OR52A5: variants seen among roughly 807,000 people sequenced by gnomAD.
OR52A5 encodes olfactory receptor family 52 subfamily A member 5.
OR52A5 carries 16 observed loss-of-function variants against 18.2 expected under a neutral mutation model. That is an observed-to-expected ratio of 0.88 (90% CI 0.60 to 1.34). OR52A5 has a LOEUF of 1.34. OR52A5 is among the 40% of genes most tolerant of loss of function. The pLI, the probability that OR52A5 is intolerant of heterozygous loss-of-function variation, is 0.00. For missense variants in OR52A5, 418 were observed against 383.0 expected, an observed-to-expected ratio of 1.09 and a Z score of -0.76; for synonymous variants, 140 against 137.2, an observed-to-expected ratio of 1.02 and a Z score of -0.14.
At position 5,135,715 on chromosome 11, in the gene OR52A5, C is replaced by A. The variant is rs75545368; in HGVS notation, c.-61+2596G>T. On this transcript the variant is annotated intron_variant, in intron 1 of 1. Transcript: ENST00000307388. Reference sequence around the variant, plus strand: ...CAACTCAGATATTCCTTTCTAATTGCCAGTTAGAAAAATTTTAAACCTACC... The same window carrying A: ...CAACTCAGATATTCCTTTCTAATTGACAGTTAGAAAAATTTTAAACCTACC... 3.4e-3 allele frequency among the ~76,000 whole-genome samples: 513 copies of A among 152,250 alleles called. 3 individuals carry two copies. Among genetic ancestry groups the A allele is most frequent in the African/African-American group, 0.012 (482 of 41,550 alleles).
Position 5,132,002 on chromosome 11 carries a change from A to T in OR52A5, c.641T>A (p.Ile214Lys). 6.2e-7 allele frequency: 1 copy of T among 1,614,220 alleles called. No individual in the cohort carries two copies. The highest frequency in any genetic ancestry group is 8.5e-7 in the Non-Finnish European group (1 of 1,180,030). Residue 214 changes from isoleucine (I) to lysine (K), a missense_variant, in exon 2 of 2, where the codon ATA becomes AAA. Ile to Lys is a moderately radical substitution (Grantham distance 102). Coordinates refer to ENST00000307388, the MANE Select transcript of OR52A5 (RefSeq NM_001005160.3). ...FVAFAILGFD[I>K]IFITLSYVQI... is the part of the protein sequence containing the mutation. ...GACATAGGACAAGGTTATAAATATTATGTCAAACCCTAGGATTGCAAAGGC... is the reference window on the plus strand; with the variant it reads ...GACATAGGACAAGGTTATAAATATTTTGTCAAACCCTAGGATTGCAAAGGC...
rs965877250 is a variant in OR52A5, at chr11:5,138,332, A to G, written c.-82T>C. The G allele has an allele frequency of 6.6e-6, 1 of 152,200 alleles. No individual in the cohort carries two copies. Among genetic ancestry groups the G allele is most frequent in the Admixed American group, 6.5e-5 (1 of 15,280 alleles). 9.4% of individuals were successfully genotyped at this position (152,200 alleles called of 1,614,324 possible). A position where few individuals can be genotyped will look rare whatever the true frequency, so the allele number is the denominator to read the frequency against. On this transcript the variant is annotated 5_prime_UTR_variant, in exon 1 of 2. Coordinates refer to ENST00000307388, the MANE Select transcript of OR52A5 (RefSeq NM_001005160.3). The stretch of plus-strand genomic sequence containing the variant: ...TTACCAGGGATATCAATGGACTTAT[A>G]AGTAGAAGCCATAGAGGAGAACTCT...
chr11:5,132,733 A>G (rs1846354290), intron 1 of OR52A5, 31 bp from the exon 2 acceptor site: 3 of 783,920 alleles, frequency 3.8e-6, no homozygotes, highest in Non-Finnish European at 5.9e-6. Context: ...AAATATGTTA[A>G]TTTATTTTAG....
chr11:5,137,354 G>A (rs1417502462), intron 1 of OR52A5, among the ~76,000 whole-genome samples: 1 of 152,190 alleles, frequency 6.6e-6, no homozygotes, highest in African/African-American at 2.4e-5. Flanking sequence ...CCAAGGATCT[G>A]AAACTACTAA....
In OR52A5 at chr11:5,134,775, C is replaced by T. The variant is rs1403372350; in HGVS notation, c.-60-2073G>A. 2.6e-5 allele frequency among the ~76,000 whole-genome samples: 4 copies of T among 151,852 alleles called. No individual in the cohort carries two copies. In the East Asian group the frequency reaches 7.7e-4, roughly 29 times the overall value. ...TATGGTTGATTATATTAATGAAAGT[C>T]TAGAACTTGTTATAAGTAAATACAC... On this transcript the variant is annotated intron_variant, in intron 1 of 1. Coordinates refer to ENST00000307388, the MANE Select transcript of OR52A5 (RefSeq NM_001005160.3).
At position 5,131,623 on chromosome 11, in the gene OR52A5, C is replaced by G; in HGVS notation, c.*69G>C. On this transcript the variant is annotated 3_prime_UTR_variant, in exon 2 of 2. Coordinates refer to ENST00000307388, the MANE Select transcript of OR52A5 (RefSeq NM_001005160.3). Reference sequence around the variant, plus strand: ...GAGCTAGTAGTTTGAGAATATTGATCTGTGACTTTCATTATATTTAGGTTT... The same window carrying G: ...GAGCTAGTAGTTTGAGAATATTGATGTGTGACTTTCATTATATTTAGGTTT... 1 of 839,192 alleles carries G rather than the reference C, an allele frequency of 1.2e-6. No individual in the cohort carries two copies. The highest frequency in any genetic ancestry group is 1.9e-6 in the Non-Finnish European group (1 of 530,750). The allele number at this position is 839,192 out of a possible 1,614,324, so 52.0% of individuals were successfully genotyped here.
intron 1 of OR52A5, among the ~76,000 whole-genome samples, chr11:5,136,978 A>G (rs1469722344): frequency 6.6e-6 from 1 of 152,232 alleles, no homozygotes; most frequent in East Asian, 1.9e-4. Flanking sequence ...GAATGAGAGC[A>G]AGGGCATAGT....
intron 1 of OR52A5, among the ~76,000 whole-genome samples, chr11:5,134,492 T>C (rs1846373385): frequency 6.6e-6 from 1 of 152,212 alleles, no homozygotes; most frequent in Non-Finnish European, 1.5e-5. Flanking sequence ...TTAATGATTT[T>C]AATTAACAAA....
intron 1 of OR52A5, among the ~76,000 whole-genome samples, chr11:5,136,019 G>A (rs1412615750): frequency 6.6e-6 from 1 of 152,024 alleles, no homozygotes; most frequent in Non-Finnish European, 1.5e-5. Context: ...ATTTATTATT[G>A]CCTTTATCAG....
At chr11:5,136,919 G>A (rs542649714) in intron 1 of OR52A5, among the ~76,000 whole-genome samples, 32 of 152,282 alleles carry the variant, frequency 2.1e-4, no homozygotes, top group African/African-American at 7.5e-4. Context: ...CCAGACCTTT[G>A]GCCTTTTAAA....
In OR52A5 at chr11:5,129,857, G is replaced by T. The variant is rs549003545; in HGVS notation, c.*1835C>A. On this transcript the variant is annotated 3_prime_UTR_variant, in exon 2 of 2. Transcript: ENST00000307388. The stretch of plus-strand genomic sequence containing the variant: ...TCCATGTGGAAATTGCTTCAGCTGG[G>T]GTTTCTTTAGCAGAGAACACTGGAC... 6.6e-6 allele frequency: 1 copy of T among 152,118 alleles called. No homozygotes were observed. The highest frequency in any genetic ancestry group is 1.9e-4 in the East Asian group (1 of 5,174). The allele number at this position is 152,118 out of a possible 1,614,324, so 9.4% of individuals were successfully genotyped here.
At chr11:5,133,998 C>G (rs551015141) in intron 1 of OR52A5, among the ~76,000 whole-genome samples, 1 of 152,266 alleles carries the variant, frequency 6.6e-6, no homozygotes, top group African/African-American at 2.4e-5. Flanking sequence ...CTGCCCTTCA[C>G]TGGTAACTCC....
intron 1 of OR52A5, among the ~76,000 whole-genome samples, chr11:5,135,705 T>C (rs1589861342): frequency 6.6e-6 from 1 of 152,240 alleles, no homozygotes; most frequent in Non-Finnish European, 1.5e-5. Flanking sequence ...CAGATATTCC[T>C]TTCTAATTGC....
At chr11:5,132,766 A>C in intron 1 of OR52A5, 64 bp from the exon 2 acceptor site, 1 of 602,276 alleles carries the variant, frequency 1.7e-6, no homozygotes, top group East Asian at 2.8e-5. Flanking sequence ...TAGTTATTTT[A>C]GGAGTGTATC....
At position 5,129,884 on chromosome 11, in the gene OR52A5, G is replaced by A. The variant is rs963092038; in HGVS notation, c.*1808C>T. 6.6e-6 allele frequency: 1 copy of A among 152,062 alleles called. No individual in the cohort carries two copies. Among genetic ancestry groups the A allele is most frequent in the Non-Finnish European group, 1.5e-5 (1 of 68,004 alleles). 9.4% of individuals were successfully genotyped at this position (152,062 alleles called of 1,614,324 possible). The stretch of plus-strand genomic sequence containing the variant: ...TTTCTTTAGCAGAGAACACTGGACA[G>A]GGACAACATTGTTTCAGAAACTAGT... On this transcript the variant is annotated 3_prime_UTR_variant, in exon 2 of 2. Coordinates refer to ENST00000307388, the MANE Select transcript of OR52A5 (RefSeq NM_001005160.3).
rs1846336444 is a variant in OR52A5, at chr11:5,131,471, T to C, written c.*221A>G. 3 of 327,118 alleles carry C rather than the reference T, an allele frequency of 9.2e-6. No homozygotes were observed. The highest frequency in any genetic ancestry group is 8.8e-5 in the Admixed American group (2 of 22,800). 20.3% of individuals were successfully genotyped at this position (327,118 alleles called of 1,614,324 possible). On this transcript the variant is annotated 3_prime_UTR_variant, in exon 2 of 2. Transcript: ENST00000307388. ...TATCGGTATTACTGATTTCATATTA[T>C]TTTTATATTGATAAGTATTTCAGAT...
chr11:5,136,812 C>A (rs1399312044), intron 1 of OR52A5, among the ~76,000 whole-genome samples: 1 of 152,232 alleles, frequency 6.6e-6, no homozygotes, highest in East Asian at 1.9e-4. Flanking sequence ...TAAATTCATT[C>A]ATAAACAGAA....
rs543891458 is a variant in OR52A5 at position 5,137,551 on chromosome 11, C to A, written c.-61+760G>T. On this transcript the variant is annotated intron_variant, in intron 1 of 1. Coordinates refer to ENST00000307388, the MANE Select transcript of OR52A5 (RefSeq NM_001005160.3). The stretch of plus-strand genomic sequence containing the variant: ...TTTTCGGAGATAGTGTGCCACATCG[C>A]AGGACAGCTTCCAGTGTCAACGAGG... Among the ~76,000 whole-genome samples, 52 of 151,760 alleles carry A rather than the reference C, an allele frequency of 3.4e-4. No homozygotes were observed. The South Asian group carries it at 4.0e-3, about 12-fold the overall frequency.
intron 1 of OR52A5, among the ~76,000 whole-genome samples, chr11:5,136,827 T>C (rs554092266): frequency 1.3e-5 from 2 of 152,256 alleles, no homozygotes; most frequent in East Asian, 3.9e-4. Flanking sequence ...ACAGAAATAA[T>C]AGTTGGTTAA....
Sources: gnomAD v4.1 joint callset for allele counts (sites outside exome capture counted in the v4.1 genomes callset) on GRCh38, gnomAD v4.1.1 for gene constraint, MANE v1.5 for transcripts, NCBI Gene and HGNC (gene_info 2026-07-23, HGNC 2026-07-21) for gene names.